Variants in PBX3 observed in about 807,000 individuals in gnomAD.
The protein encoded by PBX3 is PBX homeobox 3, also known as pre-B-cell leukemia transcription factor 3.
A neutral mutation model predicts 48.5 loss-of-function variants in PBX3; 14 were observed. The ratio of observed to expected loss-of-function variants is 0.29; its 90% CI spans 0.19 to 0.45. The LOEUF (loss-of-function observed/expected upper bound fraction) is 0.45. Ranked by LOEUF, PBX3 falls within the 20% of genes least tolerant of loss-of-function variation. The pLI, the probability that PBX3 is intolerant of heterozygous loss-of-function variation, is 1.00. For missense variants in PBX3, 386 were observed against 546.7 expected, an observed-to-expected ratio of 0.71 and a Z score of 2.93; for synonymous variants, 210 against 200.3, an observed-to-expected ratio of 1.05 and a Z score of -0.41.
At chr9:125,949,553 C>T in intron 5 of PBX3, 1 of 1,330,940 alleles carries the variant, frequency 7.5e-7, no homozygotes, top group Non-Finnish European at 9.7e-7. Flanking sequence ...GTATTCTTTA[C>T]TCCAAAAATG....
chr9:125,928,896 A>T (rs1021660503), intron 3 of PBX3, among the ~76,000 whole-genome samples: 1 of 151,602 alleles, frequency 6.6e-6, no homozygotes, highest in African/African-American at 2.4e-5. Flanking sequence ...GCTAAATTAT[A>T]ATAGGTCATT....
In PBX3 at chr9:125,896,915, T is replaced by C. The variant is rs1419037246; in HGVS notation, c.275-18771T>C. ...AATTAAATTGGCAACTCTTAATTAC[T>C]GTAATTAGTATATTAACTGTTTCCT... On this transcript the variant is annotated intron_variant, in intron 2 of 8. Transcript: ENST00000373489. Among the ~76,000 whole-genome samples, 6 of 152,140 alleles carry C rather than the reference T, an allele frequency of 3.9e-5. No homozygotes were observed. The East Asian group carries it at 7.7e-4, about 20-fold the overall frequency.
At chr9:125,822,802 TGA>T (rs1159999464) in intron 2 of PBX3, among the ~76,000 whole-genome samples, 2 of 152,142 alleles carry the variant, frequency 1.3e-5, no homozygotes, top group Non-Finnish European at 2.9e-5. Flanking sequence ...CTTATTATAT[TGA>T]GTTATTATTT....
At chr9:125,809,679 C>G (rs1273744545) in intron 2 of PBX3, among the ~76,000 whole-genome samples, 1 of 151,964 alleles carries the variant, frequency 6.6e-6, no homozygotes, top group Non-Finnish European at 1.5e-5. Context: ...ATATAAAAAT[C>G]ACAATCATAA....
chr9:125,834,355 G>A (rs1471327159), intron 2 of PBX3, among the ~76,000 whole-genome samples: 1 of 152,000 alleles, frequency 6.6e-6, no homozygotes, highest in Non-Finnish European at 1.5e-5. Flanking sequence ...ACATTGATGT[G>A]ATAGTGGCTA....
At chr9:125,749,080 C>T (rs1335917699) in intron 2 of PBX3, 1 of 160,602 alleles carries the variant, frequency 6.2e-6, no homozygotes, top group African/African-American at 2.4e-5. Flanking sequence ...GAACAGACCC[C>T]AGTAGCATGC....
chr9:125,899,429 A>ACATG (rs1347543595), intron 2 of PBX3, among the ~76,000 whole-genome samples: 1 of 124,348 alleles, frequency 8.0e-6, no homozygotes, highest in African/African-American at 3.1e-5. Context: ...ATGTATGTCT[A>ACATG]TATATATGTG....
chr9:125,809,702 G>C lies in PBX3; in HGVS notation c.274+61079G>C, dbSNP rs73595745. 3.2e-3 allele frequency among the ~76,000 whole-genome samples: 493 copies of C among 152,158 alleles called. 4 individuals carry two copies. The highest frequency in any genetic ancestry group is 0.012 in the African/African-American group (482 of 41,518). On this transcript the variant is annotated intron_variant, in intron 2 of 8. Transcript: ENST00000373489. ...ATCACAATCATAAAGGAAATATTCA[G>C]CTATATTAAAATTAAGAATTTCTGA...
chr9:125,899,753 A>G (rs957271755), intron 2 of PBX3, among the ~76,000 whole-genome samples: 18 of 151,828 alleles, frequency 1.2e-4, no homozygotes, highest in African/African-American at 4.1e-4. Flanking sequence ...AAAATAAATT[A>G]TTTGAATTTT....
chr9:125,947,578 C>A (rs1842093532), intron 5 of PBX3, among the ~76,000 whole-genome samples: 1 of 151,616 alleles, frequency 6.6e-6, no homozygotes, highest in Middle Eastern at 3.2e-3. Flanking sequence ...TTAAAATAAG[C>A]AGTCTAAAAG....
intron 3 of PBX3, among the ~76,000 whole-genome samples, chr9:125,926,171 G>A (rs1841570837): frequency 1.3e-5 from 2 of 152,122 alleles, no homozygotes; most frequent in South Asian, 2.1e-4. Flanking sequence ...AGATATATAC[G>A]TATATTTATT....
chr9:125,874,725 A>G (rs981317573), intron 2 of PBX3, among the ~76,000 whole-genome samples: 1 of 152,200 alleles, frequency 6.6e-6, no homozygotes, highest in African/African-American at 2.4e-5. Context: ...AGAAACTCTC[A>G]TGTATTGCCA....
chr9:125,885,481 T>A (rs1412784087), intron 2 of PBX3, among the ~76,000 whole-genome samples: 1 of 152,196 alleles, frequency 6.6e-6, no homozygotes, highest in Non-Finnish European at 1.5e-5. Flanking sequence ...CACAATATCC[T>A]AATAATGGTC....
intron 2 of PBX3, among the ~76,000 whole-genome samples, chr9:125,764,741 T>C (rs542740251): frequency 2.0e-4 from 31 of 152,350 alleles, no homozygotes; most frequent in Admixed American, 1.9e-3. Context: ...GAGTTGCCTT[T>C]GCTGATTGCA....
At chr9:125,871,379 T>C (rs1588242804) in intron 2 of PBX3, among the ~76,000 whole-genome samples, 1 of 68,390 alleles carries the variant, frequency 1.5e-5, no homozygotes, top group African/African-American at 4.4e-5. Flanking sequence ...AGACTCCGTC[T>C]CAAAAAAAAA....
intron 2 of PBX3, among the ~76,000 whole-genome samples, chr9:125,815,049 A>G (rs1838417347): frequency 6.6e-6 from 1 of 152,186 alleles, no homozygotes; most frequent in South Asian, 2.1e-4. Context: ...CCTTACTTGT[A>G]TGCTTAGGAA....
At chr9:125,796,540 G>A (rs1334767948) in intron 2 of PBX3, among the ~76,000 whole-genome samples, 1 of 152,170 alleles carries the variant, frequency 6.6e-6, no homozygotes, top group Non-Finnish European at 1.5e-5. Context: ...TTGTGAGTGG[G>A]TAGCCTATGG....
intron 2 of PBX3, among the ~76,000 whole-genome samples, chr9:125,819,640 A>T (rs1433017792): frequency 6.6e-6 from 1 of 152,198 alleles, no homozygotes; most frequent in East Asian, 1.9e-4. Flanking sequence ...GAGGGTTTAG[A>T]TATAGATATG....
At chr9:125,749,305 A>G (rs1836300563) in intron 2 of PBX3, 2 of 152,170 alleles carry the variant, frequency 1.3e-5, no homozygotes, top group Non-Finnish European at 2.9e-5. Flanking sequence ...AATATATAAG[A>G]AGATAGGTTT....
Sources: allele counts gnomAD v4.1 joint callset (sites outside exome capture counted in the v4.1 genomes callset), GRCh38; gene constraint gnomAD v4.1.1; transcripts MANE v1.5; gene names NCBI Gene and HGNC (gene_info 2026-07-23, HGNC 2026-07-21).